UBE2Q1: variants seen among roughly 807,000 people sequenced by gnomAD.
UBE2Q1 encodes the protein ubiquitin-conjugating enzyme E2 Q1.
A neutral mutation model predicts 60.1 loss-of-function variants in UBE2Q1; 6 were observed. The ratio of observed to expected loss-of-function variants is 0.10; its 90% CI spans 0.05 to 0.20. UBE2Q1 has a LOEUF of 0.20. UBE2Q1 is among the 10% of genes least tolerant of loss of function. The probability of loss-of-function intolerance (pLI) is 1.00; values close to 1 mark genes in which losing one functional copy is unlikely to be tolerated. For synonymous variants in UBE2Q1, 226 were observed against 208.3 expected, an observed-to-expected ratio of 1.09 and a Z score of -0.73; for missense variants, 262 against 525.8, an observed-to-expected ratio of 0.50 and a Z score of 4.91.
chr1:154,551,115 G>T, intron 11 of UBE2Q1, 111 bp from the exon 12 acceptor site: 2 of 1,240,204 alleles, frequency 1.6e-6, no homozygotes, highest in Non-Finnish European at 2.4e-6. Flanking sequence ...CCAGCACTGT[G>T]GTCTAGTAAA....
intron 1 of UBE2Q1, among the ~76,000 whole-genome samples, chr1:154,557,992 C>T (rs946670874): frequency 2.6e-5 from 4 of 151,916 alleles, no homozygotes; most frequent in African/African-American, 9.7e-5. Flanking sequence ...TTCGTGGAAA[C>T]GGGTAGTCTA....
Position 154,555,512 on chromosome 1 carries a change from C to G in UBE2Q1, c.453G>C (p.Arg151Ser). The G allele has an allele frequency of 6.2e-7, 1 of 1,614,074 alleles. No individual in the cohort carries two copies. ...GNTLLLQHLK[R>S]IISDLCKLYN... ...AGAGTTTACACAGGTCGGAGATGAT[C>G]CTCTTCAGATGCTGCAATAGCTACA... Residue 151 changes from arginine to serine, a missense_variant, in exon 3 of 13, where the codon AGG becomes AGC. Coordinates refer to ENST00000292211, the MANE Select transcript of UBE2Q1 (RefSeq NM_017582.7).
At position 154,548,590 on chromosome 1, in the gene UBE2Q1, T is replaced by G; in HGVS notation, c.*1848A>C. 1 of 152,778 alleles carries G rather than the reference T, an allele frequency of 6.5e-6. No individual in the cohort carries two copies. Among genetic ancestry groups the G allele is most frequent in the South Asian group, 2.1e-4 (1 of 4,828 alleles). The allele number at this position is 152,778 out of a possible 1,614,324, so 9.5% of individuals were successfully genotyped here. A position where few individuals can be genotyped will look rare whatever the true frequency, so the allele number is the denominator to read the frequency against. On this transcript the variant is annotated 3_prime_UTR_variant, in exon 13 of 13. Coordinates refer to ENST00000292211, the MANE Select transcript of UBE2Q1 (RefSeq NM_017582.7). ...TTAGAGCCAAACTATTTAAATAATT[T>G]TATTTGTTTCATCCTTTGGTAGATG...
intron 4 of UBE2Q1, among the ~76,000 whole-genome samples, chr1:154,554,307 T>C (rs1041677528): frequency 2.0e-5 from 3 of 152,188 alleles, no homozygotes; most frequent in South Asian, 2.1e-4. Flanking sequence ...ATCAGATAGA[T>C]TGTTTAGCAT....
chr1:154,558,012 T>C (rs1286442371), intron 1 of UBE2Q1, among the ~76,000 whole-genome samples: 1 of 151,956 alleles, frequency 6.6e-6, no homozygotes, highest in Non-Finnish European at 1.5e-5. Context: ...AGGCGCCATA[T>C]GTCGGGGTGT....
At chr1:154,555,393 T>C in intron 3 of UBE2Q1, 35 bp downstream of exon 3, 1 of 1,587,146 alleles carries the variant, frequency 6.3e-7, no homozygotes, top group Non-Finnish European at 8.6e-7. Flanking sequence ...GGGGCAACTC[T>C]GCACAACAGG....
Position 154,550,352 on chromosome 1 carries a change from C to A in UBE2Q1, c.*86G>T. ...CCAGGAAAAATGAGGGAGGGAACCA[C>A]AGAGGCAGCGTGAGATCCAAATACA... On this transcript the variant is annotated 3_prime_UTR_variant, in exon 13 of 13. Transcript: ENST00000292211. 2 of 1,566,734 alleles carry A rather than the reference C, an allele frequency of 1.3e-6. No homozygotes were observed. The highest frequency in any genetic ancestry group is 1.7e-5 in the Admixed American group (1 of 59,226).
chr1:154,557,639 G>A (rs1363820401), intron 1 of UBE2Q1, among the ~76,000 whole-genome samples: 1 of 152,186 alleles, frequency 6.6e-6, no homozygotes, highest in African/African-American at 2.4e-5. Context: ...GAGAGTTAGA[G>A]GTTACACCAG....
Position 154,558,627 on chromosome 1 carries a change from C to CAA in UBE2Q1, c.-75_-74insTT. Reference sequence around the variant, plus strand: ...TGCGCTCCGGGCTCCGCCGCCGCCGCCGCCGCCGCCGCCGCCGCCGCGGTC... The same window carrying CAA: ...TGCGCTCCGGGCTCCGCCGCCGCCGCAACGCCGCCGCCGCCGCCGCCGCGGTC... On this transcript the variant is annotated 5_prime_UTR_variant, in exon 1 of 13. Transcript: ENST00000292211. The CAA allele has an allele frequency of 3.0e-6, 3 of 991,128 alleles. No individual in the cohort carries two copies. The highest frequency in any genetic ancestry group is 3.6e-6 in the Non-Finnish European group (3 of 840,794). 61.4% of individuals were successfully genotyped at this position (991,128 alleles called of 1,614,324 possible). A position where few individuals can be genotyped will look rare whatever the true frequency, so the allele number is the denominator to read the frequency against.
chr1:154,549,308 AACAACCCC>A lies in UBE2Q1; in HGVS notation c.*1122_*1129del, dbSNP rs1695751404. 6.6e-6 allele frequency: 1 copy of A among 152,244 alleles called. No individual in the cohort carries two copies. The highest frequency in any genetic ancestry group is 1.5e-5 in the Non-Finnish European group (1 of 68,054). The allele number at this position is 152,244 out of a possible 1,614,324, so 9.4% of individuals were successfully genotyped here. ...CTGGGGTAAGGACACAGGTGTATAGAACAACCCCCCTTAAAATGCTAACCCTTTCTAGT... is the reference window on the plus strand; with the variant it reads ...CTGGGGTAAGGACACAGGTGTATAGACCTTAAAATGCTAACCCTTTCTAGT... On this transcript the variant is annotated 3_prime_UTR_variant, in exon 13 of 13. Transcript: ENST00000292211.
chr1:154,553,131 C>T lies in UBE2Q1; in HGVS notation c.630G>A (p.Glu210=), dbSNP rs779105086. 13 of 1,613,860 alleles carry T rather than the reference C, an allele frequency of 8.1e-6. No individual in the cohort carries two copies. In the Admixed American group the frequency reaches 2.2e-4, roughly 27 times the overall value. The change falls in exon 5 of 13, where the codon GAG becomes GAA. Residue 210 remains glutamate (E), a synonymous_variant. Transcript: ENST00000292211. ...CTTCAGATTTCTTGCCCTCAGCTGG[C>T]TCTTCCTCTTTCATTTCATAGTGAT... ...DLDHYEMKEE[E]PAEGKKSEDD... is the part of the protein sequence containing the mutation.
At chr1:154,552,304 G>A in intron 7 of UBE2Q1, 100 bp downstream of exon 7, 6 of 1,590,634 alleles carry the variant, frequency 3.8e-6, no homozygotes, top group Non-Finnish European at 5.2e-6. Context: ...CCGGGACCCT[G>A]AATGAAAATG....
chr1:154,551,352 C>A, intron 11 of UBE2Q1, 45 bp downstream of exon 11: 1 of 1,599,612 alleles, frequency 6.3e-7, no homozygotes, highest in Non-Finnish European at 8.6e-7. Flanking sequence ...CCCAAGTGTA[C>A]TTGGCTCCAC....
chr1:154,550,273 T>C lies in UBE2Q1; in HGVS notation c.*165A>G, dbSNP rs929694043. The C allele has an allele frequency of 1.4e-5, 13 of 955,590 alleles. No individual in the cohort carries two copies. Among genetic ancestry groups the C allele is most frequent in the Non-Finnish European group, 2.1e-5 (13 of 626,124 alleles). The allele number at this position is 955,590 out of a possible 1,614,324, so 59.2% of individuals were successfully genotyped here. A position where few individuals can be genotyped will look rare whatever the true frequency, so the allele number is the denominator to read the frequency against. ...GAAACAGTTCTGTGTTTGTTTTTTT[T>C]CCTTAGCGTTTAGAATAGCCATCAT... On this transcript the variant is annotated 3_prime_UTR_variant, in exon 13 of 13. Coordinates refer to ENST00000292211, the MANE Select transcript of UBE2Q1 (RefSeq NM_017582.7).
At chr1:154,556,568 C>T (rs1024956288) in intron 1 of UBE2Q1, among the ~76,000 whole-genome samples, 2 of 152,246 alleles carry the variant, frequency 1.3e-5, no homozygotes, top group African/African-American at 2.4e-5. Flanking sequence ...GCCACCTTCT[C>T]AGTCCAGGCG....
At chr1:154,550,839 T>A in intron 12 of UBE2Q1, 99 bp downstream of exon 12, 2 of 1,601,500 alleles carry the variant, frequency 1.2e-6, no homozygotes, top group Middle Eastern at 1.7e-4. Flanking sequence ...GGTGGTTGAG[T>A]ATCAGAAACC....
rs749951502 is a variant in UBE2Q1, at chr1:154,558,410, G to T, written c.144C>A (p.Leu48=). 15 of 1,522,278 alleles carry T rather than the reference G, an allele frequency of 9.9e-6. No homozygotes were observed. Among genetic ancestry groups the T allele is most frequent in the African/African-American group, 2.8e-5 (2 of 70,208 alleles). The allele number at this position is 1,522,278 out of a possible 1,614,324, so 94.3% of individuals were successfully genotyped here. ...GPCLRRELKL[L]ESIFHRGHER... ...CGTGGCCGCGGTGGAAGATGGACTC[G>T]AGCAGCTTCAGCTCTCGCCTCAGGC... is the stretch of plus-strand genomic sequence containing the variant. Residue 48 remains leucine (L), a synonymous_variant, in exon 1 of 13, where the codon CTC becomes CTA. Coordinates refer to ENST00000292211, the MANE Select transcript of UBE2Q1 (RefSeq NM_017582.7).
Position 154,549,151 on chromosome 1 carries a change from T to C in UBE2Q1, c.*1287A>G, listed in dbSNP as rs1183789136. ...CAGAGCAAGCTTACAGACAAAGAGA[T>C]GCAGGCAGCACCCGCTAGATGCAAA... On this transcript the variant is annotated 3_prime_UTR_variant, in exon 13 of 13. Transcript: ENST00000292211. The C allele has an allele frequency of 1.3e-5, 2 of 152,274 alleles. No homozygotes were observed. The highest frequency in any genetic ancestry group is 2.9e-5 in the Non-Finnish European group (2 of 68,090). 9.4% of individuals were successfully genotyped at this position (152,274 alleles called of 1,614,324 possible).
At chr1:154,558,195 C>T (rs1254034913) in intron 1 of UBE2Q1, 32 bp downstream of exon 1, 2 of 1,479,264 alleles carry the variant, frequency 1.4e-6, no homozygotes, top group Admixed American at 4.9e-5. Flanking sequence ...GACAAGGGGC[C>T]CCCACAGAGG....
Sources: allele counts gnomAD v4.1 joint callset (sites outside exome capture counted in the v4.1 genomes callset), GRCh38; gene constraint gnomAD v4.1.1; transcripts MANE v1.5; gene names NCBI Gene and HGNC (gene_info 2026-07-23, HGNC 2026-07-21).